Variants in EGFLAM observed in about 807,000 individuals in gnomAD.
The protein encoded by EGFLAM is EGF like, fibronectin type III and laminin G domains, also known as pikachurin.
EGFLAM carries 79 observed loss-of-function variants against 113.1 expected under a neutral mutation model. The observed-to-expected ratio is 0.70, with a 90% CI of 0.58 to 0.84. The LOEUF (loss-of-function observed/expected upper bound fraction) is 0.84. Ranked by LOEUF, EGFLAM falls within the 40% of genes least tolerant of loss-of-function variation. The probability of loss-of-function intolerance (pLI) is 0.00; values close to 1 mark genes in which losing one functional copy is unlikely to be tolerated. For synonymous variants in EGFLAM, 504 were observed against 487.6 expected (o/e 1.03, Z -0.44); for missense variants, 1,265 against 1,291.6 (o/e 0.98, Z 0.32).
At chr5:38,301,056 G>C (rs1464081934) in intron 1 of EGFLAM, among the ~76,000 whole-genome samples, 1 of 152,168 alleles carries the variant, frequency 6.6e-6, no homozygotes. Flanking sequence ...CATGGGAGTT[G>C]CTTGTTAGAC....
rs556440476 is a variant in EGFLAM at position 38,454,246 on chromosome 5, G to A, written c.2687+2788G>A. On this transcript the variant is annotated intron_variant, in intron 19 of 21. Coordinates refer to ENST00000322350, the MANE Select transcript of EGFLAM (RefSeq NM_152403.4). ...AGGCCAGTGGTTTGAAGATGTCAGCGGTGTGGTGGGCACCGGGTCTGATTA... is the reference window on the plus strand; with the variant it reads ...AGGCCAGTGGTTTGAAGATGTCAGCAGTGTGGTGGGCACCGGGTCTGATTA... Among the ~76,000 whole-genome samples, 6 of 152,258 alleles carry A rather than the reference G, an allele frequency of 3.9e-5. No individual in the cohort carries two copies. The South Asian group carries it at 1.0e-3, about 26-fold the overall frequency.
At chr5:38,448,853 C>T (rs1382925393) in intron 18 of EGFLAM, among the ~76,000 whole-genome samples, 2 of 152,194 alleles carry the variant, frequency 1.3e-5, no homozygotes, top group Admixed American at 6.5e-5. Context: ...GAGTCCATAC[C>T]TACCCTGCGT....
chr5:38,391,515 C>T (rs893094617), intron 6 of EGFLAM, among the ~76,000 whole-genome samples: 3 of 151,888 alleles, frequency 2.0e-5, no homozygotes, highest in African/African-American at 7.3e-5. Context: ...TCTCCTGCCT[C>T]AGCCTCCCGA....
In EGFLAM at chr5:38,258,655, C is replaced by A; in HGVS notation, c.-100C>A. ...GCAGCCCCCCACCTCCTCGCCCCGG[C>A]CCGGGGATCCGTTGGGGCCGCGTCC... On this transcript the variant is annotated 5_prime_UTR_variant, in exon 1 of 22. Coordinates refer to ENST00000322350, the MANE Select transcript of EGFLAM (RefSeq NM_152403.4). The A allele has an allele frequency of 1.5e-6, 2 of 1,375,560 alleles. No homozygotes were observed. Among genetic ancestry groups the A allele is most frequent in the Non-Finnish European group, 2.0e-6 (2 of 989,210 alleles). The allele number at this position is 1,375,560 out of a possible 1,614,324, so 85.2% of individuals were successfully genotyped here. A position where few individuals can be genotyped will look rare whatever the true frequency, so the allele number is the denominator to read the frequency against.
At chr5:38,455,544 C>T (rs1457303655) in intron 19 of EGFLAM, among the ~76,000 whole-genome samples, 1 of 152,212 alleles carries the variant, frequency 6.6e-6, no homozygotes, top group Non-Finnish European at 1.5e-5. Context: ...CCTCATTCTT[C>T]TCCCAGTGAA....
At chr5:38,419,807 C>A (rs991684255) in intron 12 of EGFLAM, among the ~76,000 whole-genome samples, 1 of 152,096 alleles carries the variant, frequency 6.6e-6, no homozygotes, top group East Asian at 1.9e-4. Context: ...GCAGGCAGAT[C>A]ACGTGAGGTC....
intron 1 of EGFLAM, among the ~76,000 whole-genome samples, chr5:38,326,510 T>A (rs1738887349): frequency 6.6e-6 from 1 of 152,016 alleles, no homozygotes; most frequent in Non-Finnish European, 1.5e-5. Flanking sequence ...TAAGGGTTTT[T>A]TTTTTTAAGA....
At chr5:38,422,070 G>A (rs969521290) in intron 12 of EGFLAM, among the ~76,000 whole-genome samples, 6 of 152,034 alleles carry the variant, frequency 3.9e-5, no homozygotes, top group Non-Finnish European at 4.4e-5. Context: ...GGTGGGCCTC[G>A]GTTACGGACT....
intron 15 of EGFLAM, among the ~76,000 whole-genome samples, chr5:38,432,309 G>A (rs1742213137): frequency 6.6e-6 from 1 of 152,234 alleles, no homozygotes; most frequent in Admixed American, 6.5e-5. Flanking sequence ...ACTGGAGAGA[G>A]AAGAAAAAGG....
intron 1 of EGFLAM, among the ~76,000 whole-genome samples, chr5:38,311,394 CTG>C (rs1738442332): frequency 6.6e-6 from 1 of 152,154 alleles, no homozygotes; most frequent in Non-Finnish European, 1.5e-5. Context: ...TACTCTGTTT[CTG>C]TGAGTTCGAC....
chr5:38,272,117 C>T (rs1757779679), intron 1 of EGFLAM, among the ~76,000 whole-genome samples: 1 of 152,190 alleles, frequency 6.6e-6, no homozygotes, highest in South Asian at 2.1e-4. Flanking sequence ...TTAAATCCCA[C>T]CTACATGCTG....
chr5:38,453,630 C>G (rs1304319732), intron 19 of EGFLAM, among the ~76,000 whole-genome samples: 2 of 152,140 alleles, frequency 1.3e-5, no homozygotes, highest in African/African-American at 4.8e-5. Flanking sequence ...CCACCCATTG[C>G]TAGCCCAGAG....
chr5:38,370,847 G>T lies in EGFLAM; in HGVS notation c.712+385G>T, dbSNP rs373854928. On this transcript the variant is annotated intron_variant, in intron 6 of 21. Coordinates refer to ENST00000322350, the MANE Select transcript of EGFLAM (RefSeq NM_152403.4). ...AAGGCCCCTGGAGGCTTCAGCGTTC[G>T]TGTTCGCCTGAAAATAAAGGATATT... Among the ~76,000 whole-genome samples the T allele has an allele frequency of 7.2e-5, 11 of 152,266 alleles. No individual in the cohort carries two copies. The East Asian group carries it at 9.7e-4, about 13-fold the overall frequency.
At chr5:38,378,415 T>A (rs1305223833) in intron 6 of EGFLAM, among the ~76,000 whole-genome samples, 3 of 152,144 alleles carry the variant, frequency 2.0e-5, no homozygotes, top group Non-Finnish European at 4.4e-5. Flanking sequence ...ACAGAATAGA[T>A]TTCCCTTATC....
intron 6 of EGFLAM, among the ~76,000 whole-genome samples, chr5:38,374,587 G>T (rs1740314403): frequency 6.6e-6 from 1 of 152,168 alleles, no homozygotes; most frequent in Non-Finnish European, 1.5e-5. Context: ...TTACAATAGT[G>T]ATGTTATCCC....
At chr5:38,261,551 A>G (rs73750652) in intron 1 of EGFLAM, among the ~76,000 whole-genome samples, 8,320 of 152,218 alleles carry the variant, frequency 0.055, 623 homozygotes, top group African/African-American at 0.17. Context: ...GATATTCAGG[A>G]CCAGAAACTG....
intron 16 of EGFLAM, 144 bp downstream of exon 16, chr5:38,435,397 C>T: frequency 1.6e-6 from 1 of 643,444 alleles, no homozygotes; most frequent in South Asian, 2.1e-5. Context: ...ATTTTAATGC[C>T]CACAGCATGG....
chr5:38,447,095 G>A (rs558303708), intron 17 of EGFLAM, among the ~76,000 whole-genome samples: 1 of 152,142 alleles, frequency 6.6e-6, no homozygotes, highest in African/African-American at 2.4e-5. Flanking sequence ...AAAGAGGAAA[G>A]AGATATTGCT....
intron 19 of EGFLAM, chr5:38,451,748 C>T (rs574641968): frequency 1.4e-4 from 42 of 302,480 alleles, no homozygotes; most frequent in Admixed American, 5.1e-4. Flanking sequence ...CCTAGCACTT[C>T]GGGAGGCCGA....
Sources: allele counts gnomAD v4.1 joint callset (sites outside exome capture counted in the v4.1 genomes callset), GRCh38; gene constraint gnomAD v4.1.1; transcripts MANE v1.5; gene names NCBI Gene and HGNC (gene_info 2026-07-23, HGNC 2026-07-21).